The following SMYD3 variants were observed in gnomAD, a reference collection of about 807,000 sequenced individuals.
SMYD3 encodes histone-lysine N-methyltransferase SMYD3.
In SMYD3, 36 loss-of-function variants were observed where a neutral mutation model predicts 57.7. That is an observed-to-expected ratio of 0.62 (90% CI 0.48 to 0.82). The LOEUF is 0.82. Ranked by LOEUF, SMYD3 falls within the 40% of genes least tolerant of loss-of-function variation. SMYD3 has a pLI of 0.00. For synonymous variants in SMYD3, 211 were observed against 195.0 expected (o/e 1.08, Z -0.68); for missense variants, 515 against 538.8 (o/e 0.96, Z 0.44).
intron 5 of SMYD3, among the ~76,000 whole-genome samples, chr1:246,280,727 A>G (rs2064424242): frequency 6.6e-6 from 1 of 152,214 alleles, no homozygotes. Context: ...GAATTAAAAA[A>G]ACACTGTGCT....
At chr1:246,312,285 G>GT (rs1463041899) in intron 5 of SMYD3, among the ~76,000 whole-genome samples, 16 of 151,864 alleles carry the variant, frequency 1.1e-4, no homozygotes, top group South Asian at 4.2e-4. Flanking sequence ...TCAAATCTGG[G>GT]TTTTTTTTCA....
intron 10 of SMYD3, among the ~76,000 whole-genome samples, chr1:245,831,613 A>T (rs1240395377): frequency 6.6e-6 from 1 of 152,230 alleles, no homozygotes; most frequent in African/African-American, 2.4e-5. Flanking sequence ...AGTTCGCCAG[A>T]GTATTTTTTC....
intron 5 of SMYD3, among the ~76,000 whole-genome samples, chr1:246,214,330 C>A (rs2063132468): frequency 6.6e-6 from 1 of 152,052 alleles, no homozygotes; most frequent in South Asian, 2.1e-4. Context: ...TCATAGCAAT[C>A]CAGCTATGAG....
chr1:246,450,278 C>T (rs1408686149), intron 1 of SMYD3, among the ~76,000 whole-genome samples: 5 of 151,272 alleles, frequency 3.3e-5, no homozygotes, highest in Non-Finnish European at 5.9e-5. Context: ...GCAACAAAAG[C>T]GAAACTCTAT....
At chr1:246,059,302 C>T (rs1379226717) in intron 5 of SMYD3, among the ~76,000 whole-genome samples, 1 of 151,798 alleles carries the variant, frequency 6.6e-6, no homozygotes, top group African/African-American at 2.4e-5. Flanking sequence ...ATTTTCTAAG[C>T]CAGCAGAGGC....
chr1:245,839,294 C>T (rs2050268641), intron 10 of SMYD3, among the ~76,000 whole-genome samples: 1 of 152,192 alleles, frequency 6.6e-6, no homozygotes, highest in Non-Finnish European at 1.5e-5. Context: ...CTCAGCCTCC[C>T]ACGTAGCTGG....
intron 2 of SMYD3, among the ~76,000 whole-genome samples, chr1:246,338,163 T>C (rs576350537): frequency 3.3e-5 from 5 of 152,332 alleles, no homozygotes; most frequent in Middle Eastern, 3.4e-3. Flanking sequence ...GTCTGTAATA[T>C]GGTACCACAT....
intron 10 of SMYD3, among the ~76,000 whole-genome samples, chr1:245,792,284 A>C (rs1466230713): frequency 3.9e-5 from 6 of 152,176 alleles, no homozygotes; most frequent in Non-Finnish European, 7.3e-5. Context: ...CAGATGACAA[A>C]ATTGCATCTC....
intron 5 of SMYD3, among the ~76,000 whole-genome samples, chr1:246,029,661 G>C (rs563976348): frequency 7.5e-6 from 1 of 133,914 alleles, no homozygotes; most frequent in Non-Finnish European, 1.5e-5. Context: ...GACAGAGTGA[G>C]ACTCTGTCTC....
At chr1:246,227,962 T>G (rs1204650231) in intron 5 of SMYD3, among the ~76,000 whole-genome samples, 1 of 90,112 alleles carries the variant, frequency 1.1e-5, no homozygotes, top group Non-Finnish European at 2.2e-5. Context: ...ATTCCTTTTT[T>G]TTTTTTTTTT....
chr1:246,211,423 C>T (rs1376168401), intron 5 of SMYD3, among the ~76,000 whole-genome samples: 1 of 152,040 alleles, frequency 6.6e-6, no homozygotes, highest in Non-Finnish European at 1.5e-5. Context: ...TCTGTTAAAG[C>T]TCTTGTCTTG....
chr1:245,785,113 C>T (rs1007747333), intron 10 of SMYD3, among the ~76,000 whole-genome samples: 1 of 150,916 alleles, frequency 6.6e-6, no homozygotes, highest in Non-Finnish European at 1.5e-5. Flanking sequence ...AACTCCTGAC[C>T]TCAAGTGATC....
chr1:245,767,385 C>A (rs1035378504), intron 10 of SMYD3, among the ~76,000 whole-genome samples: 1 of 152,114 alleles, frequency 6.6e-6, no homozygotes, highest in Non-Finnish European at 1.5e-5. Context: ...TGAGTCCCTG[C>A]CCTTGGTTAG....
chr1:246,310,152 T>A (rs902320312), intron 5 of SMYD3, among the ~76,000 whole-genome samples: 1 of 149,892 alleles, frequency 6.7e-6, no homozygotes, highest in Non-Finnish European at 1.5e-5. Flanking sequence ...TAAAGATAAT[T>A]AGAAGTAATT....
chr1:246,151,106 C>T (rs373873546), intron 5 of SMYD3, among the ~76,000 whole-genome samples: 3 of 152,020 alleles, frequency 2.0e-5, no homozygotes, highest in East Asian at 1.9e-4. Flanking sequence ...ATTAGCCAGG[C>T]GCGGTGGCGG....
intron 5 of SMYD3, among the ~76,000 whole-genome samples, chr1:245,934,602 A>T (rs1304802626): frequency 6.6e-6 from 1 of 152,144 alleles, no homozygotes; most frequent in Non-Finnish European, 1.5e-5. Context: ...GAAATCTCCA[A>T]ACCAGAACAG....
intron 8 of SMYD3, among the ~76,000 whole-genome samples, chr1:245,905,475 C>T (rs1320650708): frequency 1.2e-4 from 18 of 152,256 alleles, no homozygotes; most frequent in African/African-American, 1.9e-4. Context: ...AAGGTGGCTG[C>T]GGGGTGAGGC....
At chr1:246,339,443 T>C (rs2065596385) in intron 2 of SMYD3, among the ~76,000 whole-genome samples, 1 of 152,200 alleles carries the variant, frequency 6.6e-6, no homozygotes, top group Admixed American at 6.5e-5. Flanking sequence ...ACCTGTAAAA[T>C]TTCATTTCAA....
intron 1 of SMYD3, among the ~76,000 whole-genome samples, chr1:246,387,319 G>C (rs937896178): frequency 6.6e-6 from 1 of 152,050 alleles, no homozygotes; most frequent in Admixed American, 6.6e-5. Flanking sequence ...TCTATAACAT[G>C]GAGGCAACAC....
Sources: gnomAD v4.1 joint callset for allele counts (sites outside exome capture counted in the v4.1 genomes callset) on GRCh38, gnomAD v4.1.1 for gene constraint, MANE v1.5 for transcripts, NCBI Gene and HGNC (gene_info 2026-07-23, HGNC 2026-07-21) for gene names.